Variants in CFAP46 observed in about 807,000 individuals in gnomAD.
The protein encoded by CFAP46 is cilia and flagella associated protein 46.
Under a neutral mutation model 325.7 loss-of-function variants are expected in CFAP46, and 245 were observed. That is an observed-to-expected ratio of 0.75 (90% CI 0.68 to 0.84). The LOEUF is 0.84. CFAP46 is among the 40% of genes least tolerant of loss of function. The pLI, the probability that CFAP46 is intolerant of heterozygous loss-of-function variation, is 0.00. For missense variants in CFAP46, 3,346 were observed against 3,543.0 expected, an observed-to-expected ratio of 0.94 and a Z score of 1.41; for synonymous variants, 1,523 against 1,495.9, an observed-to-expected ratio of 1.02 and a Z score of -0.42.
rs1847613235 is a variant in CFAP46 at position 132,813,004 on chromosome 10, T to C, written c.7389-107A>G. ...TCCTGCGTGGTCCACGCCTGTCCCA[T>C]TTGTGCATTAAACTGAACTTTCTTT... On this transcript the variant is annotated intron_variant, in intron 54 of 57. Coordinates refer to ENST00000368586, the MANE Select transcript of CFAP46 (RefSeq NM_001200049.3). 3 of 772,262 alleles carry C rather than the reference T, an allele frequency of 3.9e-6. 1 individual carries two copies. The highest frequency in any genetic ancestry group is 4.7e-5 in the Admixed American group (2 of 42,330). The allele number at this position is 772,262 out of a possible 1,614,324, so 47.8% of individuals were successfully genotyped here.
rs569628351 is a variant in CFAP46 at position 132,825,488 on chromosome 10, G to A, written c.7117+7870C>T. Among the ~76,000 whole-genome samples the A allele has an allele frequency of 2.6e-5, 4 of 152,290 alleles. No homozygotes were observed. The South Asian group carries it at 6.2e-4, about 24-fold the overall frequency. ...ATGGCCTGATCACGATAATGTCTTC[G>A]TGGACACACTCATCCACAAACTCAC... On this transcript the variant is annotated intron_variant, in intron 50 of 57. Coordinates refer to ENST00000368586, the MANE Select transcript of CFAP46 (RefSeq NM_001200049.3).
At chr10:132,912,490 CTCT>C (rs1264451502) in intron 19 of CFAP46, among the ~76,000 whole-genome samples, 162 bp downstream of exon 19, 29 of 84,136 alleles carry the variant, frequency 3.4e-4, no homozygotes, top group African/African-American at 1.2e-3. Context: ...TCTCTCTCTC[CTCT>C]TTCACCTCTC....
In CFAP46 at chr10:132,867,463, G is replaced by A; in HGVS notation, c.4655C>T (p.Pro1552Leu). 2 of 1,550,494 alleles carry A rather than the reference G, an allele frequency of 1.3e-6. No homozygotes were observed. The highest frequency in any genetic ancestry group is 1.7e-6 in the Non-Finnish European group (2 of 1,146,996). Residue 1552 changes from proline (P) to leucine (L), a missense_variant, in exon 34 of 58, where the codon CCT becomes CTT. By Grantham distance (98) the Pro-to-Leu change is moderately conservative. Transcript: ENST00000368586. ...TGCTGGCAGGCTTTCTTCTAATAAA[G>A]GCTCCTTATTTTTCTCTTTTTTCAA... ...IALKKEKNKE[P>L]LLEESLPALN...
At position 132,832,399 on chromosome 10, in the gene CFAP46, C is replaced by A. The variant is rs529259124; in HGVS notation, c.7117+959G>T. Reference sequence around the variant, plus strand: ...CCTGGGCTCTTCCTGCCCCCCCCCCCCAATGCTGTGGCCTGGAAATTCCCC... The same window carrying A: ...CCTGGGCTCTTCCTGCCCCCCCCCCACAATGCTGTGGCCTGGAAATTCCCC... On this transcript the variant is annotated intron_variant, in intron 50 of 57. Coordinates refer to ENST00000368586, the MANE Select transcript of CFAP46 (RefSeq NM_001200049.3). The surrounding 1 kb of genome is among the most constrained non-coding windows in gnomAD (Gnocchi z 4.1). 1.7e-4 allele frequency among the ~76,000 whole-genome samples: 22 copies of A among 131,166 alleles called. No homozygotes were observed. In the South Asian group the frequency reaches 2.8e-3, roughly 17 times the overall value. The allele number at this position is 131,166 out of a possible 152,430, so 86.0% of individuals were successfully genotyped here. A position where few individuals can be genotyped will look rare whatever the true frequency, so the allele number is the denominator to read the frequency against.
intron 17 of CFAP46, among the ~76,000 whole-genome samples, chr10:132,914,055 A>G (rs560523738): frequency 1.0e-3 from 149 of 144,940 alleles, no homozygotes; most frequent in African/African-American, 2.3e-3. Context: ...GCCACACTGC[A>G]CCCCGGCCCG....
rs764665708 is a variant in CFAP46 at position 132,857,626 on chromosome 10, C to G, written c.5538G>C (p.Arg1846Ser). 3 of 1,612,824 alleles carry G rather than the reference C, an allele frequency of 1.9e-6. No homozygotes were observed. The highest frequency in any genetic ancestry group is 2.2e-5 in the South Asian group (2 of 90,698). ...AQGAMAEEEG[R>S]LHSVQGLLSL... Reference sequence around the variant, plus strand: ...ACAATAGGCCCTGGACGCTGTGAAGCCTCCCTTCTTCCTCAGCCATGGCGC... The same window carrying G: ...ACAATAGGCCCTGGACGCTGTGAAGGCTCCCTTCTTCCTCAGCCATGGCGC... The change falls in exon 39 of 58, where the codon AGG becomes AGC. Residue 1846 changes from arginine to serine, a missense_variant. Arg to Ser is a moderately radical substitution (Grantham distance 110). Transcript: ENST00000368586.
intron 50 of CFAP46, among the ~76,000 whole-genome samples, chr10:132,825,860 C>CT (rs762306016): frequency 3.3e-4 from 50 of 152,166 alleles, no homozygotes; most frequent in Non-Finnish European, 6.5e-4. Context: ...GCCGAAAGGG[C>CT]TGGGACTCCC....
chr10:132,855,615 T>C (rs1848629682), intron 39 of CFAP46, among the ~76,000 whole-genome samples: 1 of 152,236 alleles, frequency 6.6e-6, no homozygotes, highest in African/African-American at 2.4e-5. Context: ...TTTTCTGCTT[T>C]CAGGGGGACA....
intron 12 of CFAP46, 107 bp downstream of exon 12, chr10:132,922,373 T>G: frequency 6.9e-7 from 1 of 1,447,384 alleles, no homozygotes; most frequent in Non-Finnish European, 9.2e-7. Flanking sequence ...GCCTCCTTGC[T>G]TCAGGCAGCC....
Position 132,886,279 on chromosome 10 carries a change from T to C in CFAP46, c.3305-320A>G, listed in dbSNP as rs548374496. Reference sequence around the variant, plus strand: ...GACCTGTGTTTCCACGTATTAAAGATTGGCGAGCAGGACTTGGGGTCCTTT... The same window carrying C: ...GACCTGTGTTTCCACGTATTAAAGACTGGCGAGCAGGACTTGGGGTCCTTT... On this transcript the variant is annotated intron_variant, in intron 25 of 57. Transcript: ENST00000368586. This position sits in a 1 kb window ranked among gnomAD's most constrained non-coding sequence, Gnocchi z 5.8. Among the ~76,000 whole-genome samples the C allele has an allele frequency of 8.9e-4, 136 of 152,304 alleles. No individual in the cohort carries two copies. The highest frequency in any genetic ancestry group is 3.0e-3 in the African/African-American group (125 of 41,580).
In CFAP46 at chr10:132,903,187, C is replaced by A. The variant is rs533897933; in HGVS notation, c.2925-3521G>T. 1.8e-4 allele frequency among the ~76,000 whole-genome samples: 27 copies of A among 152,290 alleles called. No homozygotes were observed. The East Asian group carries it at 5.2e-3, about 29-fold the overall frequency. ...GCCTGGAGTTCAGTGAGTTACGCCCCAATGTGAGCTGGCCACAGCTCCAAC... is the reference window on the plus strand; with the variant it reads ...GCCTGGAGTTCAGTGAGTTACGCCCAAATGTGAGCTGGCCACAGCTCCAAC... On this transcript the variant is annotated intron_variant, in intron 22 of 57. Transcript: ENST00000368586.
In CFAP46 at chr10:132,847,263, G is replaced by A; in HGVS notation, c.6011C>T (p.Ala2004Val). ...SLELEVEEEGATKSSRDPPAS... is the reference protein window; with the variant it reads ...SLELEVEEEGVTKSSRDPPAS... Reference sequence around the variant, plus strand: ...CGGCGGGTCCCTGCTGGACTTTGTGGCACCCTCTTCCTCTACCTCCAGCTC... The same window carrying A: ...CGGCGGGTCCCTGCTGGACTTTGTGACACCCTCTTCCTCTACCTCCAGCTC... The change falls in exon 42 of 58, where the codon GCC (alanine) becomes GTC (valine). Residue 2004 changes from alanine (A) to valine (V), a missense_variant. Coordinates refer to ENST00000368586, the MANE Select transcript of CFAP46 (RefSeq NM_001200049.3). The surrounding 1 kb of genome is among the most constrained non-coding windows in gnomAD (Gnocchi z 5.2). 1 of 1,613,436 alleles carries A rather than the reference G, an allele frequency of 6.2e-7. No homozygotes were observed. Among genetic ancestry groups the A allele is most frequent in the Non-Finnish European group, 8.5e-7 (1 of 1,179,940 alleles).
Position 132,868,732 on chromosome 10 carries a change from CACTT to C in CFAP46, c.4610+538_4610+541del, listed in dbSNP as rs1262700982. Among the ~76,000 whole-genome samples, 21 of 152,318 alleles carry C rather than the reference CACTT, an allele frequency of 1.4e-4. No individual in the cohort carries two copies. In the South Asian group the frequency reaches 3.7e-3, roughly 27 times the overall value. On this transcript the variant is annotated intron_variant, in intron 33 of 57. Transcript: ENST00000368586. ...CTAAGATTTTCACTATAAAATGTAT[CACTT>C]ACGTAATTTTAAAAAGTATCTTGTA...
intron 44 of CFAP46, among the ~76,000 whole-genome samples, chr10:132,840,787 G>A (rs1032910104): frequency 1.3e-5 from 2 of 152,146 alleles, no homozygotes; most frequent in Admixed American, 6.5e-5. Flanking sequence ...TTATGTCACC[G>A]TGGTTGGAAA....
At chr10:132,875,771 A>G (rs1191690850) in intron 31 of CFAP46, among the ~76,000 whole-genome samples, 1 of 152,260 alleles carries the variant, frequency 6.6e-6, no homozygotes, top group African/African-American at 2.4e-5. Flanking sequence ...CTTTTTGGAA[A>G]AATACTATAA....
At chr10:132,824,804 T>A (rs1247418410) in intron 50 of CFAP46, among the ~76,000 whole-genome samples, 1 of 140,558 alleles carries the variant, frequency 7.1e-6, no homozygotes, top group African/African-American at 2.7e-5. Flanking sequence ...GTGCTGTCTG[T>A]GCGCTGATGT....
rs1300075744 is a variant in CFAP46, at chr10:132,919,986, CAG to C, written c.1730+71_1730+72del. ...ACATGCAGGGTCAGCTCAGCCGCCA[CAG>C]ACACTGGCCCTCGGGCTGAGCGACC... On this transcript the variant is annotated intron_variant, in intron 14 of 57. Transcript: ENST00000368586. This position sits in a 1 kb window ranked among gnomAD's most constrained non-coding sequence, Gnocchi z 9.7. 7.0e-7 allele frequency: 1 copy of C among 1,427,978 alleles called. No individual in the cohort carries two copies. The highest frequency in any genetic ancestry group is 1.5e-5 in the South Asian group (1 of 66,522). The allele number at this position is 1,427,978 out of a possible 1,614,324, so 88.5% of individuals were successfully genotyped here.
At position 132,919,116 on chromosome 10, in the gene CFAP46, G is replaced by A. The variant is rs1034980286; in HGVS notation, c.1858+199C>T. Among the ~76,000 whole-genome samples, 16 of 152,326 alleles carry A rather than the reference G, an allele frequency of 1.1e-4. No homozygotes were observed. Among genetic ancestry groups the A allele is most frequent in the African/African-American group, 2.9e-4 (12 of 41,572 alleles). Reference sequence around the variant, plus strand: ...AGTGTGACGACGGTGCTCGTGGCTCGGCCGACACAGCCAGATGTGGCCGCC... The same window carrying A: ...AGTGTGACGACGGTGCTCGTGGCTCAGCCGACACAGCCAGATGTGGCCGCC... On this transcript the variant is annotated intron_variant, in intron 15 of 57. Transcript: ENST00000368586. The surrounding 1 kb of genome is among the most constrained non-coding windows in gnomAD (Gnocchi z 9.7).
Position 132,808,903 on chromosome 10 carries a change from G to A in CFAP46, c.7666C>T (p.Arg2556Ter), listed in dbSNP as rs370494641. 7 of 1,581,264 alleles carry A rather than the reference G, an allele frequency of 4.4e-6. No homozygotes were observed. In the South Asian group the frequency reaches 5.7e-5, roughly 13 times the overall value. The change falls in exon 58 of 58, where the codon CGA becomes TGA. Residue 2556 changes from arginine (R) to a stop codon, truncating the protein, a stop_gained and splice_region_variant. Coordinates refer to ENST00000368586, the MANE Select transcript of CFAP46 (RefSeq NM_001200049.3). LOFTEE classifies it low-confidence loss of function (END_TRUNC). The surrounding 1 kb of genome is among the most constrained non-coding windows in gnomAD (Gnocchi z 6.8). ...TGTCCTTCAAGGTCTGAGAAGCCTC[G>A]TCTGTGGAGAAAGGGGCGGGAGCTA... Reference protein sequence around the residue: ...DEWRRGGEPRRGFSDLEGQAA... With the variant: ...DEWRRGGEPR
Sources: allele counts gnomAD v4.1 joint callset (sites outside exome capture counted in the v4.1 genomes callset), GRCh38; gene constraint gnomAD v4.1.1; non-coding constraint Gnocchi (gnomAD v3.1); transcripts MANE v1.5; gene names NCBI Gene and HGNC (gene_info 2026-07-23, HGNC 2026-07-21).